Variants in DDR2 observed in about 807,000 individuals in gnomAD.
DDR2 encodes discoidin domain-containing receptor 2.
In DDR2, 27 loss-of-function variants were observed where a neutral mutation model predicts 94.9. That is an observed-to-expected ratio of 0.28 (90% CI 0.21 to 0.39). DDR2 has a LOEUF of 0.39. Among genes scored for constraint, DDR2 ranks in the 10% least tolerant of loss-of-function variants. The pLI, the probability that DDR2 is intolerant of heterozygous loss-of-function variation, is 1.00. For missense variants in DDR2, 783 were observed against 1,076.0 expected, an observed-to-expected ratio of 0.73 and a Z score of 3.81; for synonymous variants, 382 against 377.2, an observed-to-expected ratio of 1.01 and a Z score of -0.15.
intron 2 of DDR2, among the ~76,000 whole-genome samples, chr1:162,710,095 T>A (rs975507377): frequency 1.3e-5 from 2 of 152,226 alleles, no homozygotes; most frequent in African/African-American, 4.8e-5. Context: ...ATAATAGTCA[T>A]GTGACTCAAC....
At chr1:162,653,975 T>A (rs6689095) in intron 1 of DDR2, among the ~76,000 whole-genome samples, 2 of 152,108 alleles carry the variant, frequency 1.3e-5, no homozygotes, top group Non-Finnish European at 2.9e-5. Flanking sequence ...CTGAACACTG[T>A]GGCACTGTAT....
intron 4 of DDR2, 43 bp downstream of exon 4, chr1:162,753,240 G>A (rs748773062): frequency 8.9e-6 from 14 of 1,580,094 alleles, no homozygotes; most frequent in Admixed American, 1.7e-5. Flanking sequence ...CTGGGGTTGG[G>A]CAGATTTCCT....
chr1:162,753,073 T>C (rs562395898), intron 3 of DDR2, 22 bp from the exon 4 acceptor site: 2 of 1,601,266 alleles, frequency 1.2e-6, no homozygotes, highest in South Asian at 1.1e-5. Flanking sequence ...CTCTCTTTTC[T>C]CTTTGGTTTC....
intron 2 of DDR2, among the ~76,000 whole-genome samples, chr1:162,718,221 A>G (rs1037028841): frequency 1.3e-5 from 2 of 152,148 alleles, no homozygotes; most frequent in Admixed American, 1.3e-4. Context: ...AATTTCTGGC[A>G]CTAAAAGATA....
chr1:162,702,328 TCTC>T (rs1184966229), intron 2 of DDR2, among the ~76,000 whole-genome samples: 2 of 152,142 alleles, frequency 1.3e-5, no homozygotes, highest in Non-Finnish European at 2.9e-5. Context: ...TCTTTTACCT[TCTC>T]CTCCATCTTA....
At chr1:162,670,816 C>T (rs982350410) in intron 2 of DDR2, among the ~76,000 whole-genome samples, 1 of 152,204 alleles carries the variant, frequency 6.6e-6, no homozygotes, top group African/African-American at 2.4e-5. Flanking sequence ...TGGCTTCTCT[C>T]TGATTTGCCA....
At chr1:162,696,872 C>T (rs954602934) in intron 2 of DDR2, among the ~76,000 whole-genome samples, 1 of 152,144 alleles carries the variant, frequency 6.6e-6, no homozygotes, top group African/African-American at 2.4e-5. Flanking sequence ...CTGTGCTAAT[C>T]CTCTGTTTGA....
At chr1:162,718,517 C>G (rs1661272521) in intron 2 of DDR2, among the ~76,000 whole-genome samples, 1 of 152,098 alleles carries the variant, frequency 6.6e-6, no homozygotes, top group African/African-American at 2.4e-5. Context: ...CAAATCTAAT[C>G]TATTATCATA....
intron 6 of DDR2, 140 bp from the exon 7 acceptor site, chr1:162,755,524 C>A: frequency 1.9e-6 from 2 of 1,031,876 alleles, no homozygotes; most frequent in Non-Finnish European, 1.5e-6. Context: ...TGGAGGGGCA[C>A]TCCTCCAAAG....
At chr1:162,725,332 C>T (rs1385630314) in intron 3 of DDR2, among the ~76,000 whole-genome samples, 1 of 152,062 alleles carries the variant, frequency 6.6e-6, no homozygotes, top group African/African-American at 2.4e-5. Context: ...TTCTTTATCC[C>T]GTTTTTCAAA....
rs771801986 is a variant in DDR2 at position 162,759,788 on chromosome 1, C to T, written c.672-8C>T. The T allele has an allele frequency of 6.2e-7, 1 of 1,613,762 alleles. No homozygotes were observed. The highest frequency in any genetic ancestry group is 8.5e-7 in the Non-Finnish European group (1 of 1,180,006). On this transcript the variant is annotated splice_polypyrimidine_tract_variant and splice_region_variant and intron_variant, in intron 7 of 17. Transcript: ENST00000367921. ...CTCCTTTTCCTCCTCTTCTCCTGGC[C>T]TGAGCAGCATGACAGAAGGGCTAGG...
At chr1:162,718,603 G>T (rs934328861) in intron 2 of DDR2, among the ~76,000 whole-genome samples, 2 of 151,940 alleles carry the variant, frequency 1.3e-5, no homozygotes, top group Admixed American at 6.6e-5. Context: ...ATAATGAATC[G>T]GGATAAATAT....
At chr1:162,752,247 T>C (rs1447949539) in intron 3 of DDR2, among the ~76,000 whole-genome samples, 2 of 152,206 alleles carry the variant, frequency 1.3e-5, no homozygotes, top group African/African-American at 4.8e-5. Context: ...GTCCTGAGAC[T>C]CTAGCTTCCT....
chr1:162,775,530 G>C, intron 14 of DDR2, 122 bp from the exon 15 acceptor site: 2 of 1,076,992 alleles, frequency 1.9e-6, no homozygotes, highest in Non-Finnish European at 2.8e-6. Flanking sequence ...CCTCTCAAAA[G>C]TTATCCAAAG....
rs2102199538 is a variant in DDR2 at position 162,776,301 on chromosome 1, T to G, written c.2214T>G (p.Gly738=). 1 of 1,614,024 alleles carries G rather than the reference T, an allele frequency of 6.2e-7. No individual in the cohort carries two copies. The highest frequency in any genetic ancestry group is 1.1e-5 in the South Asian group (1 of 91,070). Residue 738 remains glycine, a synonymous_variant, in exon 16 of 18, where the codon GGT becomes GGG. Transcript: ENST00000367921. The part of the protein sequence containing the change: ...DFGMSRNLYS[G]DYYRIQGRAV... The stretch of plus-strand genomic sequence containing the variant: ...GAATGAGCAGGAACCTGTACAGTGG[T>G]GACTATTACCGGATCCAGGGCCGGG...
chr1:162,688,382 T>C (rs1157729825), intron 2 of DDR2, among the ~76,000 whole-genome samples: 2 of 152,230 alleles, frequency 1.3e-5, no homozygotes, highest in Non-Finnish European at 2.9e-5. Context: ...TTAACTCTAC[T>C]TCCTCTCATG....
chr1:162,775,576 C>G (rs915502008), intron 14 of DDR2, 76 bp from the exon 15 acceptor site: 2 of 1,506,746 alleles, frequency 1.3e-6, no homozygotes, highest in Middle Eastern at 1.8e-4. Context: ...AGGAATAGGC[C>G]TTGGTGTGCA....
intron 3 of DDR2, among the ~76,000 whole-genome samples, chr1:162,725,072 A>G (rs1400933730): frequency 6.6e-6 from 1 of 152,214 alleles, no homozygotes; most frequent in Non-Finnish European, 1.5e-5. Context: ...CAAAACTCAA[A>G]GAATATTCAA....
At chr1:162,779,517 AAGC>A (rs1329948860) in intron 17 of DDR2, among the ~76,000 whole-genome samples, 4 of 152,360 alleles carry the variant, frequency 2.6e-5, no homozygotes, top group African/African-American at 7.2e-5. Context: ...AGATCCAAGC[AAGC>A]CAAAGATAGA....
Sources: allele counts gnomAD v4.1 joint callset (sites outside exome capture counted in the v4.1 genomes callset), GRCh38; gene constraint gnomAD v4.1.1; transcripts MANE v1.5; gene names NCBI Gene and HGNC (gene_info 2026-07-23, HGNC 2026-07-21).